Variants in RP1 observed in about 807,000 individuals in gnomAD.
RP1 encodes the protein RP1 axonemal microtubule associated, also known as oxygen-regulated protein 1.
A neutral mutation model predicts 14.8 loss-of-function variants in RP1; 16 were observed. That is an observed-to-expected ratio of 1.08 (90% CI 0.73 to 1.65). The LOEUF is 1.65. Among genes scored for constraint, RP1 ranks in the 40% most tolerant of loss-of-function variants. RP1 has a pLI of 0.00. For missense variants in RP1, 2,631 were observed against 2,535.0 expected, an observed-to-expected ratio of 1.04 and a Z score of -0.81; for synonymous variants, 876 against 883.6, an observed-to-expected ratio of 0.99 and a Z score of 0.15.
intron 13 of RP1, chr8:54,701,465 T>C (rs888683037): frequency 1.3e-5 from 19 of 1,488,326 alleles, no homozygotes; most frequent in Middle Eastern, 1.7e-4. Flanking sequence ...ATTTAGAGGG[T>C]TTTTTTGTTT....
At chr8:54,869,865 G>A in exon 29 of RP1, 1 of 1,231,324 alleles carries the variant, frequency 8.1e-7, no homozygotes, top group Non-Finnish European at 1.0e-6. Flanking sequence ...GTACCAAGAT[G>A]ATGGCAAGAC....
chr8:54,761,946 A>G (rs1809650114), intron 22 of RP1, among the ~76,000 whole-genome samples: 1 of 152,158 alleles, frequency 6.6e-6, no homozygotes, highest in South Asian at 2.1e-4. Context: ...GCCATTCTGA[A>G]GCCACTTATA....
At chr8:54,562,425 C>T (rs759226151) in intron 1 of RP1, among the ~76,000 whole-genome samples, 45 of 152,146 alleles carry the variant, frequency 3.0e-4, no homozygotes, top group Non-Finnish European at 5.1e-4. Context: ...TGGTGGCTCA[C>T]GCCTGTAATC....
downstream of RP1, among the ~76,000 whole-genome samples, chr8:54,771,965 AC>A (rs547417112): frequency 3.0e-3 from 458 of 152,172 alleles, 3 homozygotes; most frequent in African/African-American, 0.01. Flanking sequence ...AAGAAAGTAG[AC>A]CAAAATGCTA....
chr8:54,650,411 CCTTTT>C (rs1019480925), intron 4 of RP1, among the ~76,000 whole-genome samples: 2 of 152,072 alleles, frequency 1.3e-5, no homozygotes, highest in East Asian at 1.9e-4. Context: ...TTTGTATAGA[CCTTTT>C]CTTTTCTTTT....
intron 4 of RP1, among the ~76,000 whole-genome samples, chr8:54,650,590 C>G (rs1450913069): frequency 6.6e-6 from 1 of 151,950 alleles, no homozygotes; most frequent in Admixed American, 6.6e-5. Context: ...TCCCTGTTGC[C>G]TTTCTACCAA....
chr8:54,733,043 C>A (rs1046745707), intron 17 of RP1, among the ~76,000 whole-genome samples: 10 of 152,076 alleles, frequency 6.6e-5, no homozygotes, highest in African/African-American at 2.4e-4. Context: ...ATGTTAAGTG[C>A]TTAGGGTAGT....
intron 24 of RP1, among the ~76,000 whole-genome samples, chr8:54,829,681 G>T (rs909100661): frequency 2.0e-5 from 3 of 152,062 alleles, no homozygotes; most frequent in Non-Finnish European, 4.4e-5. Context: ...AATACAGAAA[G>T]ATCAACAAAT....
rs892528912 is a variant in RP1 at position 54,783,039 on chromosome 8, C to A, written c.3452-508C>A. On this transcript the variant is annotated intron_variant, in intron 23 of 28. Transcript: ENST00000637698. ...TGTTCCAACTTTCAGGGAACTCCAGCAATTTTTCATGAGAAAGAAAGTTCT... is the reference window on the plus strand; with the variant it reads ...TGTTCCAACTTTCAGGGAACTCCAGAAATTTTTCATGAGAAAGAAAGTTCT... 3.9e-5 allele frequency among the ~76,000 whole-genome samples: 6 copies of A among 152,252 alleles called. No homozygotes were observed. The East Asian group carries it at 1.2e-3, about 29-fold the overall frequency.
intron 17 of RP1, among the ~76,000 whole-genome samples, chr8:54,728,783 A>G (rs1808722380): frequency 1.3e-5 from 2 of 152,252 alleles, no homozygotes; most frequent in East Asian, 1.9e-4. Flanking sequence ...TGAGGAAGGA[A>G]TCTTATTTTT....
intron 1 of RP1, among the ~76,000 whole-genome samples, chr8:54,579,250 A>G (rs1352094667): frequency 6.6e-6 from 1 of 152,194 alleles, no homozygotes; most frequent in African/African-American, 2.4e-5. Flanking sequence ...GTAGCAACAG[A>G]CAGCCTCGTT....
intron 1 of RP1, among the ~76,000 whole-genome samples, chr8:54,607,483 C>T (rs566145207): frequency 1.1e-4 from 16 of 152,270 alleles, no homozygotes; most frequent in African/African-American, 3.4e-4. Context: ...TTAGGCTACT[C>T]GGGGGTCAGG....
rs774378003 is a variant in RP1 at position 54,627,333 on chromosome 8, C to T, written c.3451C>T (p.His1151Tyr). 5.6e-6 allele frequency: 9 copies of T among 1,614,144 alleles called. No individual in the cohort carries two copies. Among genetic ancestry groups the T allele is most frequent in the Middle Eastern group, 1.6e-4 (1 of 6,062 alleles). The change falls in exon 4 of 4, where the codon CAC becomes TAC. Residue 1151 changes from histidine (H) to tyrosine (Y), a missense_variant. Coordinates refer to ENST00000220676, the MANE Select transcript of RP1 (RefSeq NM_006269.2). ...GAATAGCTTCTGTCAAGTTGATGCT[C>T]ACAAGGCTACCAACAAATCTTCAGA... ...SMNSFCQVDAHKATNKSSETL... is the reference protein window; with the variant it reads ...SMNSFCQVDAYKATNKSSETL...
rs1438155422 is a variant in RP1 at position 54,621,088 on chromosome 8, A to G, written c.122A>G (p.Tyr41Cys). 2 of 1,614,118 alleles carry G rather than the reference A, an allele frequency of 1.2e-6. No homozygotes were observed. Among genetic ancestry groups the G allele is most frequent in the Admixed American group, 3.3e-5 (2 of 60,018 alleles). ...HPVVAKRISF[Y>C]KSGDPQFGGV... ...GTTGTGGCCAAGCGAATCAGTTTCTACAAGAGCGGAGACCCCCAATTCGGC... is the reference window on the plus strand; with the variant it reads ...GTTGTGGCCAAGCGAATCAGTTTCTGCAAGAGCGGAGACCCCCAATTCGGC... The change falls in exon 2 of 4, where the codon TAC (tyrosine) becomes TGC (cysteine). Residue 41 changes from tyrosine (Y) to cysteine (C), a missense_variant. Physicochemically the swap from Tyr to Cys is radical, Grantham distance 194 (BLOSUM62 -2). Coordinates refer to ENST00000220676, the MANE Select transcript of RP1 (RefSeq NM_006269.2).
intron 25 of RP1, among the ~76,000 whole-genome samples, chr8:54,848,784 T>C (rs569380898): frequency 1.2e-4 from 19 of 152,368 alleles, no homozygotes; most frequent in African/African-American, 4.6e-4. Context: ...AGTATCACTC[T>C]GTTGCCCAGG....
At chr8:54,776,870 G>A (rs926148410) in intron 23 of RP1, among the ~76,000 whole-genome samples, 1 of 152,172 alleles carries the variant, frequency 6.6e-6, no homozygotes, top group African/African-American at 2.4e-5. Context: ...ATAGGCAGGG[G>A]ATGCATGGTA....
At chr8:54,671,094 A>T (rs541685566) in intron 7 of RP1, among the ~76,000 whole-genome samples, 29 of 152,058 alleles carry the variant, frequency 1.9e-4, no homozygotes, top group African/African-American at 6.7e-4. Context: ...CACTTTTGAC[A>T]GTTTTGCCTG....
At chr8:54,781,230 A>C (rs1585686804) in intron 23 of RP1, among the ~76,000 whole-genome samples, 1 of 152,162 alleles carries the variant, frequency 6.6e-6, no homozygotes, top group Non-Finnish European at 1.5e-5. Context: ...TAGTCAACGA[A>C]CTTTTTTTAA....
chr8:54,772,927 G>A (rs1809945486), downstream of RP1, among the ~76,000 whole-genome samples: 1 of 152,102 alleles, frequency 6.6e-6, no homozygotes, highest in African/African-American at 2.4e-5. Flanking sequence ...TAATTGTCAG[G>A]GGAGATTATT....
Sources: gnomAD v4.1 joint callset for allele counts (sites outside exome capture counted in the v4.1 genomes callset) on GRCh38, gnomAD v4.1.1 for gene constraint, MANE v1.5 for transcripts, NCBI Gene and HGNC (gene_info 2026-07-23, HGNC 2026-07-21) for gene names.